Variants in ASIC2 observed in about 807,000 individuals in gnomAD.
ASIC2 encodes the protein acid-sensing ion channel 2.
ASIC2 carries 25 observed loss-of-function variants against 57.3 expected under a neutral mutation model. That is an observed-to-expected ratio of 0.44 (90% CI 0.32 to 0.61). ASIC2 has a LOEUF of 0.61. Among genes scored for constraint, ASIC2 ranks in the 20% least tolerant of loss-of-function variants. The probability of loss-of-function intolerance (pLI) is 0.06; values close to 1 mark genes in which losing one functional copy is unlikely to be tolerated. For missense variants in ASIC2, 641 were observed against 738.1 expected (o/e 0.87, Z 1.52); for synonymous variants, 319 against 307.5 (o/e 1.04, Z -0.39).
chr17:33,361,925 A>G (rs1427956616), intron 1 of ASIC2, among the ~76,000 whole-genome samples: 1 of 152,000 alleles, frequency 6.6e-6, no homozygotes, highest in Non-Finnish European at 1.5e-5. Flanking sequence ...CTCCTCCTTG[A>G]CCTTCGCTTG....
chr17:33,874,542 C>T (rs1446600500), intron 1 of ASIC2, among the ~76,000 whole-genome samples: 1 of 152,262 alleles, frequency 6.6e-6, no homozygotes, highest in Non-Finnish European at 1.5e-5. Context: ...AGCCCCAGTT[C>T]TGATAATGGC....
At chr17:34,132,145 T>C (rs1911994208) in intron 1 of ASIC2, among the ~76,000 whole-genome samples, 1 of 152,076 alleles carries the variant, frequency 6.6e-6, no homozygotes, top group Admixed American at 6.6e-5. Flanking sequence ...CTTACCAGAG[T>C]ATGGCTTCAG....
At chr17:34,077,156 A>G (rs1416137943) in intron 1 of ASIC2, among the ~76,000 whole-genome samples, 3 of 152,114 alleles carry the variant, frequency 2.0e-5, no homozygotes, top group Admixed American at 6.5e-5. Context: ...CTCTACCGGT[A>G]TTACCCACAG....
intron 1 of ASIC2, among the ~76,000 whole-genome samples, chr17:33,512,963 G>A (rs1431580862): frequency 2.0e-5 from 3 of 152,222 alleles, no homozygotes; most frequent in Non-Finnish European, 4.4e-5. Flanking sequence ...TGGCCAAGGT[G>A]AACATGGTGA....
Position 33,760,166 on chromosome 17 carries a change from A to AT in ASIC2, c.555+395811_555+395812insA, listed in dbSNP as rs1231698548. ...AGTATCTAAGAATTATAATGACTCAAAAAAAAATGGACTTATTTGACATAG... is the reference window on the plus strand; with the variant it reads ...AGTATCTAAGAATTATAATGACTCAATAAAAAAATGGACTTATTTGACATAG... On this transcript the variant is annotated intron_variant, in intron 1 of 9. Transcript: ENST00000359872. 6.2e-3 allele frequency among the ~76,000 whole-genome samples: 438 copies of AT among 70,796 alleles called. 1 individual carries two copies. The highest frequency in any genetic ancestry group is 0.013 in the African/African-American group (422 of 32,144). 46.4% of individuals were successfully genotyped at this position (70,796 alleles called of 152,430 possible). A position where few individuals can be genotyped will look rare whatever the true frequency, so the allele number is the denominator to read the frequency against.
chr17:34,023,358 C>T (rs1441039780), intron 1 of ASIC2, among the ~76,000 whole-genome samples: 4 of 131,604 alleles, frequency 3.0e-5, no homozygotes, highest in African/African-American at 1.2e-4. Flanking sequence ...TTCTCTTTCT[C>T]TCTCTCTCTC....
intron 1 of ASIC2, among the ~76,000 whole-genome samples, chr17:34,031,163 A>C (rs1016295524): frequency 8.5e-5 from 13 of 152,146 alleles, no homozygotes; most frequent in African/African-American, 3.1e-4. Flanking sequence ...CTGAGACAAA[A>C]CTTCCAGAGG....
chr17:33,213,866 C>T (rs1056802540), intron 1 of ASIC2, among the ~76,000 whole-genome samples: 1 of 152,190 alleles, frequency 6.6e-6, no homozygotes, highest in African/African-American at 2.4e-5. Context: ...TGATTCTCTC[C>T]CTGGCCCCTC....
intron 1 of ASIC2, among the ~76,000 whole-genome samples, chr17:33,122,561 T>C (rs372122624): frequency 1.3e-4 from 20 of 152,330 alleles, no homozygotes; most frequent in African/African-American, 4.8e-4. Flanking sequence ...TTATGAGGTA[T>C]AACATGATGT....
At chr17:33,235,858 C>T (rs543642793) in intron 1 of ASIC2, among the ~76,000 whole-genome samples, 1 of 152,148 alleles carries the variant, frequency 6.6e-6, no homozygotes, top group South Asian at 2.1e-4. Context: ...TTTTTTGAGA[C>T]AGAGTTTCAC....
Position 33,026,029 on chromosome 17 carries a change from A to G in ASIC2, c.1139-47T>C, listed in dbSNP as rs370189153. 4.4e-6 allele frequency: 7 copies of G among 1,600,636 alleles called. No individual in the cohort carries two copies. In the African/African-American group the frequency reaches 5.4e-5, roughly 12 times the overall value. ...CAGAGTTACTCAGGCAGGAACATTC[A>G]TGTCAGCAACACCTCCTCTGCTTTG... On this transcript the variant is annotated intron_variant, in intron 4 of 9. Transcript: ENST00000225823.
intron 1 of ASIC2, among the ~76,000 whole-genome samples, chr17:33,948,443 A>C (rs1904454852): frequency 6.6e-6 from 1 of 152,128 alleles, no homozygotes; most frequent in Non-Finnish European, 1.5e-5. Context: ...GGGCTCAGAG[A>C]GTTGAAAGGG....
At chr17:33,053,448 C>T (rs1207242850) in intron 3 of ASIC2, among the ~76,000 whole-genome samples, 1 of 152,132 alleles carries the variant, frequency 6.6e-6, no homozygotes, top group Non-Finnish European at 1.5e-5. Context: ...GGCCCCTTTT[C>T]CTTCTCCCTT....
intron 1 of ASIC2, among the ~76,000 whole-genome samples, chr17:33,783,917 A>G (rs1003773047): frequency 6.6e-6 from 1 of 152,230 alleles, no homozygotes; most frequent in Non-Finnish European, 1.5e-5. Flanking sequence ...TGAGGAACCG[A>G]CTTTCTACGC....
chr17:33,810,438 A>G (rs762446639), intron 1 of ASIC2, among the ~76,000 whole-genome samples: 2 of 152,204 alleles, frequency 1.3e-5, no homozygotes, highest in Non-Finnish European at 2.9e-5. Context: ...GGCATCAGTA[A>G]TTCTTGTTCT....
chr17:33,806,825 G>A lies in ASIC2; in HGVS notation c.555+349153C>T, dbSNP rs542779980. Among the ~76,000 whole-genome samples the A allele has an allele frequency of 3.3e-5, 5 of 152,304 alleles. No homozygotes were observed. The East Asian group carries it at 5.8e-4, about 18-fold the overall frequency. On this transcript the variant is annotated intron_variant, in intron 1 of 9. Coordinates refer to the ASIC2 transcript ENST00000359872. ...ACCTGGTCTCAGTTGGAAGCTTTCAGTCCACAGTTCTGTGCAAGAAGTTGT... is the reference window on the plus strand; with the variant it reads ...ACCTGGTCTCAGTTGGAAGCTTTCAATCCACAGTTCTGTGCAAGAAGTTGT...
chr17:33,362,789 T>C (rs940808367), intron 1 of ASIC2, among the ~76,000 whole-genome samples: 1 of 152,212 alleles, frequency 6.6e-6, no homozygotes, highest in Admixed American at 6.5e-5. Context: ...AATGTATATG[T>C]ATTACAATCA....
intron 1 of ASIC2, among the ~76,000 whole-genome samples, chr17:34,030,139 T>C (rs1415802254): frequency 2.0e-5 from 3 of 152,120 alleles, no homozygotes; most frequent in Middle Eastern, 3.2e-3. Context: ...CTTCAAGGAG[T>C]GAAAGTTATG....
chr17:33,472,551 G>A (rs1913090466), intron 1 of ASIC2, among the ~76,000 whole-genome samples: 1 of 152,140 alleles, frequency 6.6e-6, no homozygotes, highest in South Asian at 2.1e-4. Flanking sequence ...ATCTTCCTTT[G>A]ACCTTGCCAG....
Sources: allele counts gnomAD v4.1 joint callset (sites outside exome capture counted in the v4.1 genomes callset), GRCh38; gene constraint gnomAD v4.1.1; transcripts MANE v1.5; gene names NCBI Gene and HGNC (gene_info 2026-07-23, HGNC 2026-07-21).